PHF8: variants seen among roughly 807,000 people sequenced by gnomAD.
The protein encoded by PHF8 is histone lysine demethylase PHF8.
A neutral mutation model predicts 74.4 loss-of-function variants in PHF8; 9 were observed. That is an observed-to-expected ratio of 0.12 (90% CI 0.07 to 0.21). PHF8 has a LOEUF of 0.21. Among genes scored for constraint, PHF8 ranks in the 10% least tolerant of loss-of-function variants. The probability of loss-of-function intolerance (pLI) is 1.00; values close to 1 mark genes in which losing one functional copy is unlikely to be tolerated. For missense variants in PHF8, 478 were observed against 816.6 expected (o/e 0.59, Z 5.05); for synonymous variants, 311 against 316.6 (o/e 0.98, Z 0.19).
At chrX:54,033,721 AATC>A (rs2066401230) in intron 2 of PHF8, among the ~76,000 whole-genome samples, 1 of 109,957 alleles carries the variant, frequency 9.1e-6, no homozygotes, top group African/African-American at 3.3e-5. Context: ...CTCAGAAAAA[AATC>A]ATCATCATCA....
At chrX:53,951,811 C>A (rs2064928227) in intron 19 of PHF8, among the ~76,000 whole-genome samples, 1 of 111,265 alleles carries the variant, frequency 9.0e-6, no homozygotes, top group African/African-American at 3.3e-5. Flanking sequence ...AAAGTGATTT[C>A]TTTATCATCA....
intron 19 of PHF8, among the ~76,000 whole-genome samples, chrX:53,959,773 A>G (rs1557090081): frequency 9.8e-6 from 1 of 102,219 alleles, no homozygotes; most frequent in African/African-American, 3.6e-5. Flanking sequence ...CTGAGGTATG[A>G]GAATCGTTTG....
intron 19 of PHF8, among the ~76,000 whole-genome samples, chrX:53,954,549 T>TAAAAAAAA (rs2064984696): frequency 1.3e-5 from 1 of 77,642 alleles, no homozygotes; most frequent in Admixed American, 1.5e-4. Flanking sequence ...AGCAAAAAAC[T>TAAAAAAAA]AGAGATGTCG....
intron 18 of PHF8, among the ~76,000 whole-genome samples, chrX:53,979,324 G>A (rs1264182800): frequency 9.0e-6 from 1 of 111,510 alleles, no homozygotes; most frequent in Non-Finnish European, 1.9e-5. Flanking sequence ...GGAGGTTGCA[G>A]TGAGCCGAGA....
In PHF8 at chrX:53,948,752, G is replaced by A. The variant is rs782687014; in HGVS notation, c.2540-4509C>T. On this transcript the variant is annotated intron_variant, in intron 19 of 21. Coordinates refer to ENST00000338154, the MANE Select transcript of PHF8 (RefSeq NM_015107.3). ...TGTTTAAAAATTGTCGGCCGGGCAC[G>A]GTGGCTCACGCCTGTAATCTCAGCA... is the stretch of plus-strand genomic sequence containing the variant. Among the ~76,000 whole-genome samples the A allele has an allele frequency of 4.8e-3, 530 of 111,176 alleles. 4 individuals are homozygous for A. Among genetic ancestry groups the A allele is most frequent in the African/African-American group, 0.017 (511 of 30,663 alleles).
chrX:54,029,834 C>T (rs1220816667), intron 2 of PHF8, among the ~76,000 whole-genome samples: 1 of 112,083 alleles, frequency 8.9e-6, no homozygotes, highest in East Asian at 2.8e-4. Flanking sequence ...TGTTCCATCA[C>T]ATACCAATCA....
chrX:53,978,939 G>A (rs954565470), intron 18 of PHF8, among the ~76,000 whole-genome samples: 5 of 111,315 alleles, frequency 4.5e-5, no homozygotes, highest in African/African-American at 1.6e-4. Context: ...TTGCTCGGGA[G>A]TAGAGGGAAG....
intron 12 of PHF8, 64 bp downstream of exon 12, chrX:53,995,629 A>C: frequency 1.4e-6 from 1 of 715,263 alleles, no homozygotes; most frequent in Admixed American, 2.3e-5. Flanking sequence ...GCAGAGGCCT[A>C]ACCTGCCACT....
At chrX:53,952,398 A>G (rs1010727383) in intron 19 of PHF8, among the ~76,000 whole-genome samples, 1 of 111,953 alleles carries the variant, frequency 8.9e-6, no homozygotes, top group African/African-American at 3.2e-5. Context: ...CTAGATAGGT[A>G]TATTTAAAAG....
chrX:53,987,421 G>A (rs67624364), intron 15 of PHF8, among the ~76,000 whole-genome samples: 8,936 of 111,363 alleles, frequency 0.08, 900 homozygotes, highest in African/African-American at 0.28. Flanking sequence ...AATATAAAAT[G>A]GGCAAGGGCT....
intron 18 of PHF8, among the ~76,000 whole-genome samples, chrX:53,978,513 G>A (rs1225562556): frequency 1.8e-5 from 2 of 111,021 alleles, no homozygotes; most frequent in Non-Finnish European, 3.8e-5. Flanking sequence ...AAGCCATTAT[G>A]GTGGGCCGGG....
Position 53,944,253 on chromosome X carries a change from A to C in PHF8, c.2540-10T>G, listed in dbSNP as rs1557084465. On this transcript the variant is annotated splice_polypyrimidine_tract_variant and intron_variant, in intron 19 of 21. Transcript: ENST00000338154. ...GTTGGGGTCACGCGGGCTGCAAGGGAAACAGGATGAGAAGGTGTCACTAAG... is the reference window on the plus strand; with the variant it reads ...GTTGGGGTCACGCGGGCTGCAAGGGCAACAGGATGAGAAGGTGTCACTAAG... The C allele has an allele frequency of 2.4e-5, 28 of 1,158,521 alleles. No homozygotes were observed. Among genetic ancestry groups the C allele is most frequent in the Middle Eastern group, 2.6e-4 (1 of 3,837 alleles).
chrX:53,997,081 A>G (rs1377733577), intron 11 of PHF8, among the ~76,000 whole-genome samples: 6 of 112,372 alleles, frequency 5.3e-5, no homozygotes, highest in African/African-American at 1.6e-4. Flanking sequence ...AAAAGGTATT[A>G]GGAACTAAGT....
chrX:54,046,067 GC>G (rs1424762885), upstream of PHF8, among the ~76,000 whole-genome samples: 4 of 110,539 alleles, frequency 3.6e-5, no homozygotes, highest in Admixed American at 2.9e-4. Context: ...TTCCGCCAGA[GC>G]CTCATGAGTA....
chrX:54,028,517 A>G (rs1431062185), intron 2 of PHF8, among the ~76,000 whole-genome samples: 2 of 110,567 alleles, frequency 1.8e-5, no homozygotes, highest in Non-Finnish European at 1.9e-5. Flanking sequence ...ACTTTTCCTC[A>G]CTGTTCTCAC....
intron 19 of PHF8, among the ~76,000 whole-genome samples, chrX:53,949,766 C>A (rs921337668): frequency 7.3e-5 from 7 of 95,568 alleles, no homozygotes; most frequent in African/African-American, 2.8e-4. Context: ...GAGCGGAGAT[C>A]GCACCACTGC....
chrX:54,040,367 C>T (rs927589646), intron 2 of PHF8, among the ~76,000 whole-genome samples: 22 of 112,052 alleles, frequency 2.0e-4, no homozygotes, highest in Admixed American at 1.6e-3. Flanking sequence ...GCATCTATTA[C>T]ATGTTTAGCA....
chrX:54,022,733 C>T (rs781965747), intron 3 of PHF8, 25 bp downstream of exon 3: 16 of 1,013,668 alleles, frequency 1.6e-5, no homozygotes, highest in Non-Finnish European at 2.1e-5. Flanking sequence ...ATTGTCTTCT[C>T]TAGGAAACCC....
chrX:53,985,960 G>C lies in PHF8; in HGVS notation c.1996-11C>G, dbSNP rs902946439. 6 of 1,207,047 alleles carry C rather than the reference G, an allele frequency of 5.0e-6. No homozygotes were observed. In the African/African-American group the frequency reaches 5.3e-5, roughly 11 times the overall value. ...TGTTGTATAGTCCTCCTGTTGGAGA[G>C]AGAGTGTATCACCTCAGCTGCCCAG... On this transcript the variant is annotated splice_polypyrimidine_tract_variant and intron_variant, in intron 16 of 21. Coordinates refer to ENST00000338154, the MANE Select transcript of PHF8 (RefSeq NM_015107.3).
Sources: gnomAD v4.1 joint callset for allele counts (sites outside exome capture counted in the v4.1 genomes callset) on GRCh38, gnomAD v4.1.1 for gene constraint, MANE v1.5 for transcripts, NCBI Gene and HGNC (gene_info 2026-07-23, HGNC 2026-07-21) for gene names.